RGS7: variants seen among roughly 807,000 people sequenced by gnomAD.
RGS7 encodes regulator of G-protein signaling 7.
Under a neutral mutation model 81.1 loss-of-function variants are expected in RGS7, and 27 were observed. The ratio of observed to expected loss-of-function variants is 0.33; its 90% confidence interval spans 0.25 to 0.46. The LOEUF is 0.46. Among genes scored for constraint, RGS7 ranks in the 20% least tolerant of loss-of-function variants. RGS7 has a pLI of 1.00. For missense variants in RGS7, 396 were observed against 607.4 expected (o/e 0.65, Z 3.66); for synonymous variants, 208 against 207.7 (o/e 1.00, Z -0.01).
Position 240,775,521 on chromosome 1 carries a change from C to T in RGS7, c.*699G>A, listed in dbSNP as rs111728970. 10 of 152,500 alleles carry T rather than the reference C, an allele frequency of 6.6e-5. No homozygotes were observed. Among genetic ancestry groups the T allele is most frequent in the African/African-American group, 2.2e-4 (9 of 41,574 alleles). 9.4% of individuals were successfully genotyped at this position (152,500 alleles called of 1,614,324 possible). On this transcript the variant is annotated 3_prime_UTR_variant, in exon 19 of 19. Transcript: ENST00000440928. ...CAAAAGTTACAAAAGCAATGAGATT[C>T]TGCATCTTTTAATGAAAGATAAAAC...
chr1:241,326,687 T>C (rs1218152795), intron 2 of RGS7, among the ~76,000 whole-genome samples: 1 of 114,888 alleles, frequency 8.7e-6, no homozygotes, highest in Admixed American at 8.1e-5. Context: ...ATCACACCTG[T>C]AGTCCTAGCA....
At chr1:241,160,110 C>CAAA (rs369734662) in intron 2 of RGS7, among the ~76,000 whole-genome samples, 5 of 56,116 alleles carry the variant, frequency 8.9e-5, no homozygotes, top group Admixed American at 2.1e-4. Context: ...GACTCCATCT[C>CAAA]AAAAAAAAAA....
chr1:240,937,205 T>G (rs1676789218), intron 4 of RGS7, among the ~76,000 whole-genome samples: 2 of 152,308 alleles, frequency 1.3e-5, no homozygotes, highest in South Asian at 4.1e-4. Context: ...AAGCAGGGAC[T>G]AATAGCGTTA....
intron 3 of RGS7, among the ~76,000 whole-genome samples, chr1:241,052,534 A>G (rs1001945284): frequency 3.3e-5 from 5 of 152,136 alleles, no homozygotes; most frequent in Non-Finnish European, 5.9e-5. Context: ...TACACTCTGG[A>G]ATGCTGTATG....
intron 5 of RGS7, among the ~76,000 whole-genome samples, chr1:240,934,499 G>A (rs1028216626): frequency 2.0e-5 from 3 of 152,016 alleles, no homozygotes; most frequent in Non-Finnish European, 4.4e-5. Context: ...TTAATGACTT[G>A]GTAGACATTA....
At chr1:241,293,381 TATA>T (rs1236716570) in intron 2 of RGS7, among the ~76,000 whole-genome samples, 1 of 152,242 alleles carries the variant, frequency 6.6e-6, no homozygotes, top group East Asian at 1.9e-4. Context: ...AGTAGAAGTA[TATA>T]ATAAGTTAAT....
intron 3 of RGS7, among the ~76,000 whole-genome samples, chr1:241,085,948 T>C (rs557880319): frequency 6.6e-6 from 1 of 152,220 alleles, no homozygotes; most frequent in Non-Finnish European, 1.5e-5. Context: ...CATCTTCCCT[T>C]GAGCCTGCTT....
chr1:240,827,846 A>T (rs1693122062), intron 9 of RGS7, among the ~76,000 whole-genome samples: 1 of 147,264 alleles, frequency 6.8e-6, no homozygotes, highest in Admixed American at 6.8e-5. Context: ...CCTGGGCAAC[A>T]AGAGCAAAAC....
intron 3 of RGS7, among the ~76,000 whole-genome samples, chr1:240,988,831 GA>G (rs1362185598): frequency 6.6e-6 from 1 of 152,276 alleles, no homozygotes; most frequent in Admixed American, 6.5e-5. Flanking sequence ...AGCGGGTACT[GA>G]AAAAAGAGAA....
rs577307271 is a variant in RGS7, at chr1:241,207,158, G to A, written c.79-108396C>T. ...TAATTTTTGTATTTTTAGTAGAGAC[G>A]GGGTTTCACCGTGTTAGCCAGGTTG... On this transcript the variant is annotated intron_variant, in intron 2 of 18. Transcript: ENST00000440928. Among the ~76,000 whole-genome samples the A allele has an allele frequency of 2.1e-3, 313 of 150,822 alleles. 3 individuals are homozygous for A. Among genetic ancestry groups the A allele is most frequent in the Non-Finnish European group, 1.5e-3 (100 of 67,686 alleles).
chr1:240,779,317 C>T (rs1010932382), intron 18 of RGS7, among the ~76,000 whole-genome samples: 16 of 151,982 alleles, frequency 1.1e-4, no homozygotes, highest in African/African-American at 3.9e-4. Context: ...CCACCACGCC[C>T]GGCTAATTTT....
chr1:241,095,265 T>G (rs997400046), intron 3 of RGS7, among the ~76,000 whole-genome samples: 2 of 152,182 alleles, frequency 1.3e-5, no homozygotes, highest in Non-Finnish European at 2.9e-5. Context: ...TTAGTACATC[T>G]GGGGGTGGGT....
At chr1:240,919,819 T>C (rs1464738835) in intron 6 of RGS7, 4 of 754,910 alleles carry the variant, frequency 5.3e-6, no homozygotes, top group Non-Finnish European at 7.2e-6. Context: ...TCCATGGGCT[T>C]TGGGTTTGTC....
chr1:240,776,090 T>A lies in RGS7; in HGVS notation c.*130A>T. The A allele has an allele frequency of 8.8e-7, 1 of 1,139,810 alleles. No homozygotes were observed. The highest frequency in any genetic ancestry group is 1.2e-5 in the South Asian group (1 of 81,506). 70.6% of individuals were successfully genotyped at this position (1,139,810 alleles called of 1,614,324 possible). A position where few individuals can be genotyped will look rare whatever the true frequency, so the allele number is the denominator to read the frequency against. On this transcript the variant is annotated 3_prime_UTR_variant, in exon 19 of 19. Transcript: ENST00000440928. ...AACATCTTGTTCTAATGTCCTCTGC[T>A]CCAGGTCACAACATTGAGCTACAAA... is the stretch of plus-strand genomic sequence containing the variant.
intron 6 of RGS7, among the ~76,000 whole-genome samples, chr1:240,913,409 A>T (rs1028576164): frequency 1.3e-5 from 2 of 152,198 alleles, no homozygotes; most frequent in African/African-American, 4.8e-5. Context: ...TTGATCAGGA[A>T]GTTTTGTGTT....
At chr1:241,327,250 G>C (rs1304533913) in intron 2 of RGS7, among the ~76,000 whole-genome samples, 1 of 152,050 alleles carries the variant, frequency 6.6e-6, no homozygotes, top group Non-Finnish European at 1.5e-5. Context: ...TACTCTGTTA[G>C]AGGCAGGCCA....
intron 2 of RGS7, among the ~76,000 whole-genome samples, chr1:241,099,948 T>C (rs779303617): frequency 6.6e-6 from 1 of 152,242 alleles, no homozygotes; most frequent in East Asian, 1.9e-4. Context: ...TTATGTAAGA[T>C]ATTAACATTA....
intron 2 of RGS7, among the ~76,000 whole-genome samples, chr1:241,214,709 T>C (rs2074447900): frequency 6.6e-6 from 1 of 152,184 alleles, no homozygotes; most frequent in South Asian, 2.1e-4. Flanking sequence ...TTTTTAAATT[T>C]GTGACTCATT....
At position 241,306,154 on chromosome 1, in the gene RGS7, A is replaced by T. The variant is rs1017458231; in HGVS notation, c.78+49545T>A. Among the ~76,000 whole-genome samples, 15 of 151,032 alleles carry T rather than the reference A, an allele frequency of 9.9e-5. No homozygotes were observed. In the East Asian group the frequency reaches 1.4e-3, roughly 14 times the overall value. On this transcript the variant is annotated intron_variant, in intron 2 of 18. Coordinates refer to ENST00000440928, the MANE Select transcript of RGS7 (RefSeq NM_001364886.1). ...CACACACACACACACACACACTCAC[A>T]CACGTCCACACACATTCACACACCC...
Sources: gnomAD v4.1 joint callset for allele counts (sites outside exome capture counted in the v4.1 genomes callset) on GRCh38, gnomAD v4.1.1 for gene constraint, MANE v1.5 for transcripts, NCBI Gene and HGNC (gene_info 2026-07-23, HGNC 2026-07-21) for gene names.